Variants in NPAS3 observed in about 807,000 individuals in gnomAD.
NPAS3 encodes neuronal PAS domain protein 3.
A neutral mutation model predicts 73.1 loss-of-function variants in NPAS3; 14 were observed. The ratio of observed to expected loss-of-function variants is 0.19; its 90% CI spans 0.13 to 0.30. The LOEUF (loss-of-function observed/expected upper bound fraction) is 0.30, where lower values mean the gene tolerates loss of function less well. Among genes scored for constraint, NPAS3 ranks in the 10% least tolerant of loss-of-function variants. The probability of loss-of-function intolerance (pLI) is 1.00; values close to 1 mark genes in which losing one functional copy is unlikely to be tolerated. For synonymous variants in NPAS3, 620 were observed against 541.5 expected, an observed-to-expected ratio of 1.14 and a Z score of -2.01; for missense variants, 1,096 against 1,250.0, an observed-to-expected ratio of 0.88 and a Z score of 1.86.
At chr14:33,280,899 G>A (rs902065601) in intron 3 of NPAS3, among the ~76,000 whole-genome samples, 2 of 152,088 alleles carry the variant, frequency 1.3e-5, no homozygotes, top group African/African-American at 4.8e-5. Context: ...CATGCAGTTA[G>A]CAATTGTAAT....
At chr14:33,345,545 T>C (rs565016396) in intron 3 of NPAS3, among the ~76,000 whole-genome samples, 1 of 152,368 alleles carries the variant, frequency 6.6e-6, no homozygotes, top group South Asian at 2.1e-4. Context: ...AGGAGATCCT[T>C]ATATGTATCT....
rs1444720676 is a variant in NPAS3 at position 33,597,422 on chromosome 14, G to A, written c.558+37212G>A. Among the ~76,000 whole-genome samples the A allele has an allele frequency of 2.6e-5, 4 of 152,184 alleles. No individual in the cohort carries two copies. The East Asian group carries it at 7.7e-4, about 29-fold the overall frequency. ...TATCACCATAAAATTTATCTGGAAG[G>A]CATATGTCATGGGAACATAAAGAGT... On this transcript the variant is annotated intron_variant, in intron 5 of 11. Coordinates refer to ENST00000356141, the Ensembl canonical transcript of NPAS3.
At chr14:33,022,665 A>C (rs971935192) in intron 1 of NPAS3, among the ~76,000 whole-genome samples, 16 of 18,190 alleles carry the variant, frequency 8.8e-4, no homozygotes, top group Middle Eastern at 0.036. Context: ...ACTCCGTCCC[A>C]AAAAAAAAAA....
chr14:32,958,399 G>A (rs932781199), intron 1 of NPAS3, among the ~76,000 whole-genome samples: 5 of 152,050 alleles, frequency 3.3e-5, no homozygotes, highest in Non-Finnish European at 7.4e-5. Context: ...TAATCTCTTG[G>A]CAGCATTTGA....
chr14:33,094,671 G>A (rs970911952), intron 2 of NPAS3, among the ~76,000 whole-genome samples: 2 of 151,930 alleles, frequency 1.3e-5, no homozygotes, highest in African/African-American at 4.8e-5. Context: ...TCACCTTTTT[G>A]GCCAGGCTGA....
In NPAS3 at chr14:32,999,297, G is replaced by A. The variant is rs1478667136; in HGVS notation, c.51-56608G>A. On this transcript the variant is annotated intron_variant, in intron 1 of 11. Coordinates refer to ENST00000356141, the Ensembl canonical transcript of NPAS3. ...GAGGCCAAGGTGGGCAGATCACAAG[G>A]TCAGGAGATTGAGACCATCCTGGCT... 4.6e-5 allele frequency among the ~76,000 whole-genome samples: 7 copies of A among 152,206 alleles called. No homozygotes were observed. The East Asian group carries it at 1.2e-3, about 25-fold the overall frequency.
chr14:33,220,470 C>G (rs2047383021), intron 3 of NPAS3, among the ~76,000 whole-genome samples: 1 of 152,202 alleles, frequency 6.6e-6, no homozygotes, highest in South Asian at 2.1e-4. Context: ...TTGTATATTT[C>G]TAATGAAGTT....
chr14:33,425,442 A>T (rs1183230347), intron 4 of NPAS3, among the ~76,000 whole-genome samples: 3 of 151,552 alleles, frequency 2.0e-5, no homozygotes. Context: ...TACCTTTATT[A>T]TTTATCTCAT....
At chr14:33,509,150 T>C (rs1023262152) in intron 4 of NPAS3, among the ~76,000 whole-genome samples, 7 of 152,004 alleles carry the variant, frequency 4.6e-5, no homozygotes, top group Non-Finnish European at 8.8e-5. Context: ...ATGATTTCTG[T>C]TGTTATAATT....
chr14:33,661,484 C>G (rs2059307273), intron 5 of NPAS3, among the ~76,000 whole-genome samples: 1 of 152,188 alleles, frequency 6.6e-6, no homozygotes, highest in African/African-American at 2.4e-5. Context: ...GAAAATAATC[C>G]TTGTGTCTCC....
At chr14:33,523,996 C>T (rs1595083049) in intron 4 of NPAS3, among the ~76,000 whole-genome samples, 2 of 152,158 alleles carry the variant, frequency 1.3e-5, no homozygotes, top group South Asian at 4.1e-4. Context: ...TAGTGCTAGG[C>T]ATATAATAGC....
chr14:33,480,581 CTCTCCCTT>C (rs1239766120), intron 4 of NPAS3, among the ~76,000 whole-genome samples: 1 of 144,336 alleles, frequency 6.9e-6, no homozygotes, highest in East Asian at 2.1e-4. Flanking sequence ...CCCTCTCTCT[CTCTCCCTT>C]TCTCCCACCT....
intron 2 of NPAS3, among the ~76,000 whole-genome samples, chr14:33,137,763 G>T (rs149258463): frequency 6.6e-6 from 1 of 152,242 alleles, no homozygotes; most frequent in East Asian, 1.9e-4. Flanking sequence ...TGTCGTGTTA[G>T]TTGGAAACAT....
intron 11 of NPAS3, among the ~76,000 whole-genome samples, chr14:33,797,874 A>G (rs2063560178): frequency 6.6e-6 from 1 of 151,760 alleles, no homozygotes; most frequent in Admixed American, 6.6e-5. Flanking sequence ...ATATATATAT[A>G]TATATGTTTT....
At chr14:33,455,095 A>G (rs887489740) in intron 4 of NPAS3, among the ~76,000 whole-genome samples, 1 of 152,246 alleles carries the variant, frequency 6.6e-6, no homozygotes, top group Non-Finnish European at 1.5e-5. Flanking sequence ...CAGTTGCTGC[A>G]AATAGTATTC....
intron 5 of NPAS3, among the ~76,000 whole-genome samples, chr14:33,667,211 T>C (rs150006510): frequency 6.6e-6 from 1 of 152,202 alleles, no homozygotes; most frequent in Non-Finnish European, 1.5e-5. Context: ...AGCGGCCACA[T>C]TCCAAGCACT....
At chr14:33,397,697 G>T (rs74042077) in intron 4 of NPAS3, among the ~76,000 whole-genome samples, 1 of 152,028 alleles carries the variant, frequency 6.6e-6, no homozygotes, top group African/African-American at 2.4e-5. Context: ...CTACATTTTG[G>T]GGATGAGAAA....
At chr14:33,456,665 G>A (rs966361490) in intron 4 of NPAS3, among the ~76,000 whole-genome samples, 2 of 152,110 alleles carry the variant, frequency 1.3e-5, no homozygotes, top group South Asian at 2.1e-4. Flanking sequence ...GCCTGAGACC[G>A]CACTGTTTTC....
chr14:33,582,173 A>G (rs1025180476), intron 5 of NPAS3: 6 of 152,236 alleles, frequency 3.9e-5, no homozygotes, highest in African/African-American at 1.4e-4. Context: ...GATGGTACAA[A>G]TTGACCTTCT....
Sources: gnomAD v4.1 joint callset for allele counts (sites outside exome capture counted in the v4.1 genomes callset) on GRCh38, gnomAD v4.1.1 for gene constraint, MANE v1.5 for transcripts, NCBI Gene and HGNC (gene_info 2026-07-23, HGNC 2026-07-21) for gene names.